AKAP6: variants seen among roughly 807,000 people sequenced by gnomAD.
AKAP6 encodes A-kinase anchor protein 6.
AKAP6 carries 58 observed loss-of-function variants against 188.5 expected under a neutral mutation model. That is an observed-to-expected ratio of 0.31 (90% CI 0.25 to 0.38). The LOEUF is 0.38. AKAP6 is among the 10% of genes least tolerant of loss of function. AKAP6 has a pLI of 1.00. For synonymous variants in AKAP6, 989 were observed against 998.6 expected, an observed-to-expected ratio of 0.99 and a Z score of 0.18; for missense variants, 2,710 against 2,740.0, an observed-to-expected ratio of 0.99 and a Z score of 0.24.
chr14:32,509,912 C>T (rs947642814), intron 2 of AKAP6, among the ~76,000 whole-genome samples: 1 of 152,160 alleles, frequency 6.6e-6, no homozygotes, highest in African/African-American at 2.4e-5. Flanking sequence ...CCTTCATTCC[C>T]GTTGAAGCTG....
chr14:32,493,134 G>A (rs560050553), intron 2 of AKAP6, among the ~76,000 whole-genome samples: 12 of 152,274 alleles, frequency 7.9e-5, no homozygotes, highest in East Asian at 1.9e-4. Context: ...CTAATTTATC[G>A]TCAGAAGTGA....
chr14:32,783,151 A>G (rs529743208), intron 12 of AKAP6, among the ~76,000 whole-genome samples: 4 of 152,296 alleles, frequency 2.6e-5, no homozygotes, highest in African/African-American at 4.8e-5. Flanking sequence ...AGGCAATTCA[A>G]TGAAGAAAGG....
intron 7 of AKAP6, among the ~76,000 whole-genome samples, chr14:32,657,714 A>AT (rs199719679): frequency 0.075 from 11,053 of 147,032 alleles, 974 homozygotes; most frequent in African/African-American, 0.22. Context: ...AAAGCTCACC[A>AT]TTTTTTTTTT....
chr14:32,615,990 T>C (rs897740401), intron 7 of AKAP6, among the ~76,000 whole-genome samples: 9 of 152,334 alleles, frequency 5.9e-5, no homozygotes, highest in African/African-American at 2.2e-4. Context: ...TGTTCCCTCA[T>C]GACTTCTTGG....
chr14:32,428,462 C>T (rs1009991365), intron 1 of AKAP6, among the ~76,000 whole-genome samples: 6 of 151,884 alleles, frequency 4.0e-5, no homozygotes, highest in Non-Finnish European at 8.8e-5. Context: ...GGTGCAGCCC[C>T]GACACTGGCC....
At chr14:32,361,071 T>TATATATATATATATATA (rs1213844124) in intron 1 of AKAP6, among the ~76,000 whole-genome samples, 27 of 149,114 alleles carry the variant, frequency 1.8e-4, no homozygotes, top group East Asian at 6.3e-4. Context: ...TATATATATA[T>TATATATATATATATATA]TTGAGAAGCT....
At chr14:32,374,349 C>T (rs1400621534) in intron 1 of AKAP6, among the ~76,000 whole-genome samples, 2 of 152,060 alleles carry the variant, frequency 1.3e-5, no homozygotes, top group Non-Finnish European at 2.9e-5. Flanking sequence ...GGGAGTCATC[C>T]CAGAGGAGAT....
chr14:32,560,311 T>C (rs1026368174), intron 4 of AKAP6, among the ~76,000 whole-genome samples: 2 of 152,202 alleles, frequency 1.3e-5, no homozygotes, highest in African/African-American at 4.8e-5. Context: ...GTCAGGATCA[T>C]TGCGCAAGGT....
chr14:32,429,864 A>G (rs17099111), intron 1 of AKAP6, among the ~76,000 whole-genome samples: 2,364 of 152,280 alleles, frequency 0.016, 56 homozygotes, highest in African/African-American at 0.054. Context: ...CTTGACTCAT[A>G]TAGGATGCAC....
chr14:32,597,392 G>C (rs1885749050), intron 5 of AKAP6, among the ~76,000 whole-genome samples: 1 of 152,106 alleles, frequency 6.6e-6, no homozygotes, highest in Admixed American at 6.6e-5. Flanking sequence ...GTGCTCTTGG[G>C]TGATCTTAAG....
intron 1 of AKAP6, among the ~76,000 whole-genome samples, chr14:32,364,138 G>A (rs1170979209): frequency 6.6e-6 from 1 of 152,170 alleles, no homozygotes; most frequent in South Asian, 2.1e-4. Flanking sequence ...AGGATGTAGA[G>A]ACAATGAATC....
chr14:32,819,398 G>A (rs976819618), intron 12 of AKAP6, among the ~76,000 whole-genome samples: 4 of 152,100 alleles, frequency 2.6e-5, no homozygotes, highest in East Asian at 1.9e-4. Flanking sequence ...TGCAGGTGAC[G>A]CTTTTTCCCC....
chr14:32,653,057 A>G (rs1162605501), intron 7 of AKAP6, among the ~76,000 whole-genome samples: 1 of 152,138 alleles, frequency 6.6e-6, no homozygotes, highest in African/African-American at 2.4e-5. Context: ...TGTCTCAAAT[A>G]AAATAAAATA....
Position 32,506,980 on chromosome 14 carries a change from A to AT in AKAP6, c.325-28566dup, listed in dbSNP as rs377126923. Among the ~76,000 whole-genome samples the AT allele has an allele frequency of 4.3e-3, 653 of 152,124 alleles. 8 individuals carry two copies. Among genetic ancestry groups the AT allele is most frequent in the Middle Eastern group, 0.02 (6 of 294 alleles). On this transcript the variant is annotated intron_variant, in intron 2 of 13. Transcript: ENST00000280979. ...AAGTCTAGGTAAATGCTTAAAAATC[A>AT]TTTTTTTTCCTGAGTTATACAAAGG...
intron 1 of AKAP6, among the ~76,000 whole-genome samples, chr14:32,383,080 AGATTTTATGT>A (rs1486570600): frequency 7.3e-6 from 1 of 136,116 alleles, no homozygotes; most frequent in African/African-American, 2.7e-5. Context: ...TCAGGAGGGC[AGATTTTATGT>A]GTGTGTGTGT....
rs2034565915 is a variant in AKAP6, at chr14:32,822,822, G to T, written c.5009G>T (p.Gly1670Val). Residue 1670 changes from glycine (G) to valine (V), a missense_variant, in exon 13 of 14, where the codon GGC (glycine) becomes GTC (valine). Physicochemically the swap from Gly to Val is moderately radical, Grantham distance 109. Around this residue, in one of 2 missense-constraint regions of AKAP6, gnomAD observed 2,473 missense variants for 2,426.1 expected, o/e 1.02. Transcript: ENST00000280979. ...QSSSQKMSFT[G>V]QMSLDIASSI... ...AGTTCCCAAAAGATGTCCTTTACTG[G>T]CCAGATGTCATTGGACATAGCATCT... is the stretch of plus-strand genomic sequence containing the variant. The T allele has an allele frequency of 6.2e-7, 1 of 1,613,866 alleles. No individual in the cohort carries two copies. The highest frequency in any genetic ancestry group is 1.3e-5 in the African/African-American group (1 of 74,984).
chr14:32,485,601 T>C (rs1263647868), intron 2 of AKAP6, among the ~76,000 whole-genome samples: 3 of 152,152 alleles, frequency 2.0e-5, no homozygotes, highest in Non-Finnish European at 4.4e-5. Context: ...GTTGGCTGCA[T>C]AAATGTCTTC....
intron 7 of AKAP6, among the ~76,000 whole-genome samples, chr14:32,660,484 T>C (rs753407027): frequency 7.9e-5 from 12 of 152,070 alleles, no homozygotes; most frequent in Admixed American, 2.0e-4. Flanking sequence ...GAAACTTCAA[T>C]GTGTTGGTTG....
chr14:32,645,073 A>G (rs946127773), intron 7 of AKAP6, among the ~76,000 whole-genome samples: 3 of 152,192 alleles, frequency 2.0e-5, no homozygotes, highest in African/African-American at 7.2e-5. Context: ...TACACAGCTA[A>G]AGGTGGTGCT....
Sources: allele counts gnomAD v4.1 joint callset (sites outside exome capture counted in the v4.1 genomes callset), GRCh38; gene constraint gnomAD v4.1.1; regional missense constraint gnomAD v4.1.1; transcripts MANE v1.5; gene names NCBI Gene and HGNC (gene_info 2026-07-23, HGNC 2026-07-21).